The following EXOC7 variants were observed in gnomAD, a reference collection of about 807,000 sequenced individuals.
EXOC7 encodes the protein exocyst complex component Exo70.
In EXOC7, 51 loss-of-function variants were observed where a neutral mutation model predicts 87.6. That is an observed-to-expected ratio of 0.58 (90% confidence interval 0.46 to 0.73). The LOEUF (loss-of-function observed/expected upper bound fraction) is 0.73, where lower values mean the gene tolerates loss of function less well. Among genes scored for constraint, EXOC7 ranks in the 30% least tolerant of loss-of-function variants. The pLI is 0.00. For missense variants in EXOC7, 744 were observed against 888.4 expected (o/e 0.84, Z 2.07); for synonymous variants, 327 against 357.1 (o/e 0.92, Z 0.95).
At position 76,091,020 on chromosome 17, in the gene EXOC7, C is replaced by T. The variant is rs2067452791; in HGVS notation, c.901+123G>A. ...AAGCCCGAGTGGCATCGGGGACCTG[C>T]CGTTCCCACCCTGCTCCCCTCAGGG... On this transcript the variant is annotated intron_variant, in intron 7 of 18. Transcript: ENST00000589210. 52 of 810,464 alleles carry T rather than the reference C, an allele frequency of 6.4e-5. 2 individuals are homozygous for T. The South Asian group carries it at 7.9e-4, about 12-fold the overall frequency. 50.2% of individuals were successfully genotyped at this position (810,464 alleles called of 1,614,324 possible).
Position 76,084,522 on chromosome 17 carries a change from C to G in EXOC7, c.1771G>C (p.Val591Leu), listed in dbSNP as rs2067122953. 6.2e-7 allele frequency: 1 copy of G among 1,613,816 alleles called. No homozygotes were observed. Among genetic ancestry groups the G allele is most frequent in the Non-Finnish European group, 8.5e-7 (1 of 1,180,010 alleles). Residue 591 changes from valine to leucine, a missense_variant, in exon 16 of 19, where the codon GTC becomes CTC. By Grantham distance (32) the Val-to-Leu change is conservative (BLOSUM62 1). Transcript: ENST00000589210. ...AGCCCAGGTCTTGAGCCCACCTTGA[C>G]TCCCGGCTGGAACACAGGTAGATTC... ...EKNLPVFQPG[V>L]KLRDKERQII...
rs554149477 is a variant in EXOC7, at chr17:76,088,834, G to A, written c.1137C>T (p.Leu379=). 177 of 1,613,880 alleles carry A rather than the reference G, an allele frequency of 1.1e-4. 2 individuals are homozygous for A. The South Asian group carries it at 1.8e-3, about 17-fold the overall frequency. ...GGTGTCGCAGGATGGGGAAGACGGT[G>A]AGCACCGTGGAGAAGTCGTGTCGCA... The part of the protein sequence containing the change: ...AIVRHDFSTV[L]TVFPILRHLK... Residue 379 remains leucine, a synonymous_variant, in exon 9 of 19, where the codon CTC becomes CTT. Coordinates refer to ENST00000589210, the MANE Select transcript of EXOC7 (RefSeq NM_001013839.4).
rs1278246300 is a variant in EXOC7 at position 76,091,234 on chromosome 17, C to T, written c.810G>A (p.Gly270=). The T allele has an allele frequency of 1.9e-6, 3 of 1,613,962 alleles. No homozygotes were observed. Among genetic ancestry groups the T allele is most frequent in the African/African-American group, 1.3e-5 (1 of 75,000 alleles). The change falls in exon 7 of 19, where the codon GGG becomes GGA. Residue 270 remains glycine, a splice_region_variant and synonymous_variant. Transcript: ENST00000589210. ...GAAGGTTCTGAGCCTTACGGATCGTCCCTGTCACCAGAGCCACACAGAGAG... is the reference window on the plus strand; with the variant it reads ...GAAGGTTCTGAGCCTTACGGATCGTTCCTGTCACCAGAGCCACACAGAGAG... ...TPTKKPVKRP[G]TIRKAQNLLK...
Position 76,083,545 on chromosome 17 carries a change from C to T in EXOC7, c.*103G>A. 1 of 1,150,304 alleles carries T rather than the reference C, an allele frequency of 8.7e-7. No homozygotes were observed. Among genetic ancestry groups the T allele is most frequent in the Non-Finnish European group, 1.3e-6 (1 of 767,614 alleles). 71.3% of individuals were successfully genotyped at this position (1,150,304 alleles called of 1,614,324 possible). Reference sequence around the variant, plus strand: ...CGGAGGCGTGGAGACAGGTCTCTGTCCCAGAGGACTTCAAGCTCACCCAGC... The same window carrying T: ...CGGAGGCGTGGAGACAGGTCTCTGTTCCAGAGGACTTCAAGCTCACCCAGC... On this transcript the variant is annotated 3_prime_UTR_variant, in exon 19 of 19. Coordinates refer to ENST00000589210, the MANE Select transcript of EXOC7 (RefSeq NM_001013839.4).
intron 13 of EXOC7, 129 bp downstream of exon 13, chr17:76,085,951 T>C (rs917322966): frequency 2.7e-6 from 4 of 1,508,318 alleles, no homozygotes; most frequent in African/African-American, 1.4e-5. Flanking sequence ...AGAGGTCAGG[T>C]TGTGGTTCCA....
Position 76,101,228 on chromosome 17 carries a change from C to A in EXOC7, c.417+43G>T, listed in dbSNP as rs1234597186. The A allele has an allele frequency of 1.9e-6, 3 of 1,614,102 alleles. No homozygotes were observed. In the South Asian group the frequency reaches 3.3e-5, roughly 18 times the overall value. ...GTCCCTCATGAGACCAGGGCAGAGA[C>A]TGATATCCCCAAGCTTCTCACGTTA... On this transcript the variant is annotated intron_variant, in intron 4 of 18. Coordinates refer to ENST00000589210, the MANE Select transcript of EXOC7 (RefSeq NM_001013839.4).
chr17:76,091,327 C>G (rs950256910), intron 6 of EXOC7, 92 bp from the exon 7 acceptor site: 35 of 1,007,718 alleles, frequency 3.5e-5, no homozygotes, highest in Admixed American at 7.2e-5. Context: ...CCCCAGGCCC[C>G]GCACCCAGCT....
In EXOC7 at chr17:76,082,288, C is replaced by T. The variant is rs1472118112; in HGVS notation, c.*1360G>A. The T allele has an allele frequency of 1.0e-5, 8 of 792,222 alleles. No homozygotes were observed. Among genetic ancestry groups the T allele is most frequent in the Non-Finnish European group, 1.6e-5 (8 of 513,050 alleles). 49.1% of individuals were successfully genotyped at this position (792,222 alleles called of 1,614,324 possible). A position where few individuals can be genotyped will look rare whatever the true frequency, so the allele number is the denominator to read the frequency against. Reference sequence around the variant, plus strand: ...CCTGATAACCCATGCCTTGCACAGCCTAAGAGGGTGTTTCTTCAACTGAAG... The same window carrying T: ...CCTGATAACCCATGCCTTGCACAGCTTAAGAGGGTGTTTCTTCAACTGAAG... On this transcript the variant is annotated 3_prime_UTR_variant, in exon 19 of 19. Coordinates refer to ENST00000589210, the MANE Select transcript of EXOC7 (RefSeq NM_001013839.4).
Position 76,103,726 on chromosome 17 carries a change from T to A in EXOC7, c.-34A>T. 1 of 1,579,212 alleles carries A rather than the reference T, an allele frequency of 6.3e-7. No individual in the cohort carries two copies. The highest frequency in any genetic ancestry group is 8.6e-7 in the Non-Finnish European group (1 of 1,163,442). ...ACCCCGCGGCTCCCACTCCCCAGTA[T>A]CTTTCCTCCGCGGGCCCACCGGGCC... On this transcript the variant is annotated 5_prime_UTR_variant, in exon 1 of 19. Coordinates refer to ENST00000589210, the MANE Select transcript of EXOC7 (RefSeq NM_001013839.4).
intron 7 of EXOC7, chr17:76,089,736 G>A (rs982733702): frequency 1.4e-5 from 3 of 218,028 alleles, no homozygotes; most frequent in African/African-American, 2.2e-5. Context: ...CTGGCACTGG[G>A]GTCATCCATG....
intron 18 of EXOC7, 29 bp downstream of exon 18, chr17:76,083,977 A>C (rs1342858855): frequency 3.3e-6 from 5 of 1,529,748 alleles, no homozygotes; most frequent in Non-Finnish European, 4.4e-6. Flanking sequence ...TGTGGGCAGC[A>C]CAGGCTGGGA....
At chr17:76,090,930 G>A in intron 7 of EXOC7, 1 of 599,706 alleles carries the variant, frequency 1.7e-6, no homozygotes, top group African/African-American at 1.9e-5. Context: ...CCTCAGGGAG[G>A]GCAGAGCTGC....
Position 76,088,097 on chromosome 17 carries a change from A to G in EXOC7, c.1325T>C (p.Met442Thr). Residue 442 changes from methionine to threonine, a missense_variant, in exon 11 of 19, where the codon ATG (methionine) becomes ACG (threonine). Physicochemically the swap from Met to Thr is moderately conservative, Grantham distance 81 (BLOSUM62 -1). This residue lies in a region of EXOC7 where 4 missense variants were observed against 16.9 expected (regional missense o/e 0.24). Transcript: ENST00000589210. ...IKNDPDKEYN[M>T]PKDGTVHELT... Reference sequence around the variant, plus strand: ...CTCGTGTACGGTGCCGTCCTTCGGCATGTTGTACTCCTTGTCCGGGTCATT... The same window carrying G: ...CTCGTGTACGGTGCCGTCCTTCGGCGTGTTGTACTCCTTGTCCGGGTCATT... 1 of 1,613,980 alleles carries G rather than the reference A, an allele frequency of 6.2e-7. No homozygotes were observed. Among genetic ancestry groups the G allele is most frequent in the Non-Finnish European group, 8.5e-7 (1 of 1,179,970 alleles).
intron 2 of EXOC7, among the ~76,000 whole-genome samples, chr17:76,102,507 G>A (rs939946370): frequency 8.6e-5 from 13 of 152,018 alleles, no homozygotes; most frequent in Non-Finnish European, 1.9e-4. Flanking sequence ...CTAGGAGGCC[G>A]AGGCAGGAGG....
Position 76,082,644 on chromosome 17 carries a change from T to G in EXOC7, c.*1004A>C. On this transcript the variant is annotated 3_prime_UTR_variant, in exon 19 of 19. Transcript: ENST00000589210. ...AGGCTGCACCCCATGGCAGGCGGCC[T>G]AGACTGTAAAGGGGCAGGGCCTGGG... is the stretch of plus-strand genomic sequence containing the variant. The G allele has an allele frequency of 6.2e-7, 1 of 1,611,032 alleles. No individual in the cohort carries two copies. Among genetic ancestry groups the G allele is most frequent in the Non-Finnish European group, 8.5e-7 (1 of 1,178,938 alleles).
rs901504062 is a variant in EXOC7 at position 76,101,877 on chromosome 17, G to A, written c.127-14C>T. ...TAAGATAGACACCTGCGGGAGGGAA[G>A]CCTCTTGATCTTGGGACTCACAGTG... On this transcript the variant is annotated splice_polypyrimidine_tract_variant and intron_variant, in intron 2 of 18. Transcript: ENST00000589210. 2 of 1,603,038 alleles carry A rather than the reference G, an allele frequency of 1.2e-6. No individual in the cohort carries two copies. Among genetic ancestry groups the A allele is most frequent in the Non-Finnish European group, 1.7e-6 (2 of 1,174,318 alleles).
intron 4 of EXOC7, among the ~76,000 whole-genome samples, chr17:76,100,255 G>T (rs2067992890): frequency 6.6e-6 from 1 of 152,106 alleles, no homozygotes. Flanking sequence ...TGGAGAAGAT[G>T]AACATATTTG....
intron 7 of EXOC7, chr17:76,090,282 C>G (rs755132305): frequency 6.5e-7 from 1 of 1,539,698 alleles, no homozygotes; most frequent in South Asian, 1.2e-5. Context: ...GGGACCGCTG[C>G]GAAGGCAGTG....
At chr17:76,094,225 G>A in intron 6 of EXOC7, 189 bp downstream of exon 6, 1 of 562,620 alleles carries the variant, frequency 1.8e-6, no homozygotes, top group Non-Finnish European at 3.1e-6. Flanking sequence ...CTGGAAGGAA[G>A]AGTCTTGCTC....
Sources: allele counts gnomAD v4.1 joint callset (sites outside exome capture counted in the v4.1 genomes callset), GRCh38; gene constraint gnomAD v4.1.1; regional missense constraint gnomAD v4.1.1; transcripts MANE v1.5; gene names NCBI Gene and HGNC (gene_info 2026-07-23, HGNC 2026-07-21).